The following MAGI2 variants were observed in gnomAD, a reference collection of about 807,000 sequenced individuals.
The protein encoded by MAGI2 is membrane-associated guanylate kinase, WW and PDZ domain-containing protein 2.
Under a neutral mutation model 133.3 loss-of-function variants are expected in MAGI2, and 35 were observed. That is an observed-to-expected ratio of 0.26 (90% CI 0.20 to 0.35). The LOEUF (loss-of-function observed/expected upper bound fraction) is 0.35, where lower values mean the gene tolerates loss of function less well. Ranked by LOEUF, MAGI2 falls within the 10% of genes least tolerant of loss-of-function variation. The pLI, the probability that MAGI2 is intolerant of heterozygous loss-of-function variation, is 1.00. For missense variants in MAGI2, 1,636 were observed against 1,863.4 expected (o/e 0.88, Z 2.25); for synonymous variants, 729 against 710.6 (o/e 1.03, Z -0.41).
chr7:78,270,838 T>G (rs1466541160), intron 9 of MAGI2, among the ~76,000 whole-genome samples: 1 of 152,214 alleles, frequency 6.6e-6, no homozygotes, highest in Non-Finnish European at 1.5e-5. Flanking sequence ...AGAATGTCCA[T>G]TCTTCTCAGC....
At chr7:78,334,488 T>C (rs1336287915) in intron 9 of MAGI2, among the ~76,000 whole-genome samples, 1 of 152,198 alleles carries the variant, frequency 6.6e-6, no homozygotes, top group Non-Finnish European at 1.5e-5. Context: ...ATGTGACTGA[T>C]AAGAAAGATA....
At chr7:78,596,267 G>T (rs1006456780) in intron 3 of MAGI2, among the ~76,000 whole-genome samples, 1 of 151,798 alleles carries the variant, frequency 6.6e-6, no homozygotes, top group Non-Finnish European at 1.5e-5. Flanking sequence ...GGAAGAACTG[G>T]GATGATACCA....
At chr7:79,070,026 C>T (rs946522463) in intron 1 of MAGI2, among the ~76,000 whole-genome samples, 1 of 152,140 alleles carries the variant, frequency 6.6e-6, no homozygotes, top group African/African-American at 2.4e-5. Context: ...TTCTCTCTGC[C>T]TACCCTTAAC....
intron 2 of MAGI2, among the ~76,000 whole-genome samples, chr7:78,682,455 T>C (rs748820108): frequency 2.6e-5 from 4 of 152,154 alleles, no homozygotes; most frequent in East Asian, 3.9e-4. Context: ...CTCCCACTTA[T>C]GAGTGAGAAC....
intron 1 of MAGI2, among the ~76,000 whole-genome samples, chr7:79,383,701 G>A (rs1294153472): frequency 2.0e-5 from 3 of 151,334 alleles, no homozygotes; most frequent in Non-Finnish European, 4.4e-5. Context: ...TTAATATTAG[G>A]AAATCTGTTA....
At chr7:78,438,536 G>A (rs752898112) in intron 6 of MAGI2, among the ~76,000 whole-genome samples, 9 of 152,120 alleles carry the variant, frequency 5.9e-5, no homozygotes, top group Non-Finnish European at 7.3e-5. Flanking sequence ...TGTGTGCTGC[G>A]GTTCCTTTAT....
In MAGI2 at chr7:78,636,659, G is replaced by T. The variant is rs183336444; in HGVS notation, c.419-9420C>A. On this transcript the variant is annotated intron_variant, in intron 2 of 21. Coordinates refer to ENST00000354212, the MANE Select transcript of MAGI2 (RefSeq NM_012301.4). ...TAAAAATACAAAAAATTAGCTGGGC[G>T]TGGTGGCGGGCGCCTGTAGTCCCAG... Among the ~76,000 whole-genome samples, 62 of 152,144 alleles carry T rather than the reference G, an allele frequency of 4.1e-4. No homozygotes were observed. In the East Asian group the frequency reaches 0.011, roughly 28 times the overall value.
At chr7:78,749,324 A>G (rs1281658842) in intron 2 of MAGI2, among the ~76,000 whole-genome samples, 1 of 152,128 alleles carries the variant, frequency 6.6e-6, no homozygotes, top group African/African-American at 2.4e-5. Flanking sequence ...AACAGTGGTG[A>G]TATTAAAGAG....
chr7:79,449,685 C>T (rs1449477792), intron 1 of MAGI2, among the ~76,000 whole-genome samples: 1 of 151,688 alleles, frequency 6.6e-6, no homozygotes, highest in African/African-American at 2.4e-5. Context: ...TTTATTATTA[C>T]AAATAAAATG....
intron 2 of MAGI2, among the ~76,000 whole-genome samples, chr7:78,886,645 C>A (rs541275624): frequency 6.6e-6 from 1 of 152,052 alleles, no homozygotes; most frequent in Non-Finnish European, 1.5e-5. Flanking sequence ...TAATCCTAGC[C>A]CCATTTTTAT....
intron 2 of MAGI2, among the ~76,000 whole-genome samples, chr7:78,887,929 G>T (rs535151490): frequency 6.6e-6 from 1 of 152,342 alleles, no homozygotes; most frequent in East Asian, 1.9e-4. Context: ...AGCAGGGTGA[G>T]CCATTGCCTC....
At chr7:78,613,031 T>C (rs1470410167) in intron 3 of MAGI2, among the ~76,000 whole-genome samples, 1 of 152,166 alleles carries the variant, frequency 6.6e-6, no homozygotes, top group Non-Finnish European at 1.5e-5. Context: ...AGAAATGAAA[T>C]AAAATGTCAT....
intron 6 of MAGI2, among the ~76,000 whole-genome samples, chr7:78,437,768 TC>T (rs1476483773): frequency 2.0e-5 from 3 of 152,164 alleles, no homozygotes; most frequent in Non-Finnish European, 2.9e-5. Context: ...CATACCATGG[TC>T]CACAGCAGTT....
intron 2 of MAGI2, among the ~76,000 whole-genome samples, chr7:78,706,559 A>G (rs111375658): frequency 0.016 from 2,468 of 152,284 alleles, 28 homozygotes; most frequent in Non-Finnish European, 0.02. Flanking sequence ...CAAAACCAAT[A>G]TATTTGTATC....
intron 6 of MAGI2, among the ~76,000 whole-genome samples, chr7:78,476,414 A>G (rs1791755544): frequency 6.6e-6 from 1 of 152,014 alleles, no homozygotes; most frequent in South Asian, 2.1e-4. Flanking sequence ...GAACACAAAT[A>G]CTGGGAAATC....
chr7:79,443,277 T>TGTGTGC (rs1554486069), intron 1 of MAGI2, among the ~76,000 whole-genome samples: 22 of 88,832 alleles, frequency 2.5e-4, no homozygotes, highest in Middle Eastern at 7.4e-3. Context: ...TGTGTGTGTG[T>TGTGTGC]GTGTGTGCGT....
intron 2 of MAGI2, among the ~76,000 whole-genome samples, chr7:78,787,226 G>A (rs1446541866): frequency 4.6e-5 from 7 of 152,102 alleles, no homozygotes; most frequent in African/African-American, 1.2e-4. Context: ...GATTACAGGC[G>A]TGAGCCATTG....
At chr7:78,174,455 A>T (rs1157732434) in intron 14 of MAGI2, among the ~76,000 whole-genome samples, 1 of 152,236 alleles carries the variant, frequency 6.6e-6, no homozygotes, top group Non-Finnish European at 1.5e-5. Context: ...CACAGAAGTG[A>T]TACAAAAATT....
intron 21 of MAGI2, among the ~76,000 whole-genome samples, chr7:78,050,228 A>G (rs1001414284): frequency 6.6e-6 from 1 of 152,082 alleles, no homozygotes; most frequent in African/African-American, 2.4e-5. Flanking sequence ...TTCATACTCA[A>G]TTTTGTCCTT....
Sources: gnomAD v4.1 joint callset for allele counts (sites outside exome capture counted in the v4.1 genomes callset) on GRCh38, gnomAD v4.1.1 for gene constraint, MANE v1.5 for transcripts, NCBI Gene and HGNC (gene_info 2026-07-23, HGNC 2026-07-21) for gene names.